Variants in SPHKAP observed in about 807,000 individuals in gnomAD.
SPHKAP encodes A-kinase anchor protein SPHKAP.
Under a neutral mutation model 137.5 loss-of-function variants are expected in SPHKAP, and 67 were observed. The ratio of observed to expected loss-of-function variants is 0.49; its 90% CI spans 0.40 to 0.60. SPHKAP has a LOEUF of 0.60. Ranked by LOEUF, SPHKAP falls within the 20% of genes least tolerant of loss-of-function variation. SPHKAP has a pLI of 0.00. For missense variants in SPHKAP, 2,097 were observed against 2,069.3 expected, an observed-to-expected ratio of 1.01 and a Z score of -0.26; for synonymous variants, 813 against 785.3, an observed-to-expected ratio of 1.04 and a Z score of -0.59.
At chr2:227,995,385 C>T (rs1161149563) in intron 8 of SPHKAP, 124 bp downstream of exon 8, 4 of 1,197,148 alleles carry the variant, frequency 3.3e-6, no homozygotes, top group Non-Finnish European at 4.8e-6. Context: ...ATAGTGGGAA[C>T]TTTCCTTTTT....
chr2:228,180,003 G>A (rs1700851115), intron 1 of SPHKAP, among the ~76,000 whole-genome samples: 1 of 152,184 alleles, frequency 6.6e-6, no homozygotes, highest in Non-Finnish European at 1.5e-5. Context: ...GAATAGATAG[G>A]TGGAGAAAGT....
Position 227,984,111 on chromosome 2 carries a change from C to T in SPHKAP, c.4960-2251G>A, listed in dbSNP as rs577624332. Among the ~76,000 whole-genome samples the T allele has an allele frequency of 1.2e-3, 177 of 151,914 alleles. 5 individuals are homozygous for T. The highest frequency in any genetic ancestry group is 9.8e-4 in the Admixed American group (15 of 15,250). On this transcript the variant is annotated intron_variant, in intron 11 of 11. Coordinates refer to ENST00000392056, the MANE Select transcript of SPHKAP (RefSeq NM_001142644.2). The stretch of plus-strand genomic sequence containing the variant: ...GTCAGGAATTCGAGACCAGCCTGAC[C>T]AATGTGGTGAAAACCACGTCTCTAC...
chr2:228,004,188 T>G (rs1402441658), intron 7 of SPHKAP, among the ~76,000 whole-genome samples: 1 of 152,160 alleles, frequency 6.6e-6, no homozygotes, highest in East Asian at 1.9e-4. Context: ...ATCCATCTGG[T>G]CCTGGGCTTT....
At chr2:228,020,946 C>T (rs904524625) in intron 6 of SPHKAP, among the ~76,000 whole-genome samples, 2 of 152,112 alleles carry the variant, frequency 1.3e-5, no homozygotes, top group Non-Finnish European at 2.9e-5. Context: ...CAGACAGTTG[C>T]ATCTTAGAGC....
At chr2:228,035,728 C>G (rs1280844500) in intron 3 of SPHKAP, among the ~76,000 whole-genome samples, 1 of 152,120 alleles carries the variant, frequency 6.6e-6, no homozygotes. Flanking sequence ...AATAATGCCA[C>G]ATATCTACAA....
chr2:228,050,737 T>A (rs1559147624), intron 3 of SPHKAP, among the ~76,000 whole-genome samples: 1 of 152,218 alleles, frequency 6.6e-6, no homozygotes, highest in African/African-American at 2.4e-5. Context: ...GTCTTATTTC[T>A]TCTATCTAAG....
At chr2:228,073,055 T>C (rs142348138) in intron 3 of SPHKAP, among the ~76,000 whole-genome samples, 1,645 of 152,350 alleles carry the variant, frequency 0.011, 17 homozygotes, top group Middle Eastern at 0.024. Flanking sequence ...TGTTCAGCCA[T>C]ACTAACTGGA....
chr2:227,993,660 C>T, intron 8 of SPHKAP, 40 bp from the exon 9 acceptor site: 1 of 1,500,456 alleles, frequency 6.7e-7, no homozygotes, highest in Non-Finnish European at 9.1e-7. Context: ...CCCGTCTCCA[C>T]CCTCTAACAT....
At chr2:228,071,081 G>A (rs1696990290) in intron 3 of SPHKAP, among the ~76,000 whole-genome samples, 1 of 152,142 alleles carries the variant, frequency 6.6e-6, no homozygotes, top group South Asian at 2.1e-4. Flanking sequence ...CCTTCTTCTT[G>A]TACAACCAAA....
chr2:228,127,566 G>A (rs1172615916), intron 2 of SPHKAP, among the ~76,000 whole-genome samples: 1 of 152,144 alleles, frequency 6.6e-6, no homozygotes, highest in Non-Finnish European at 1.5e-5. Context: ...TACCAGGAAA[G>A]GTACTGACTT....
intron 3 of SPHKAP, among the ~76,000 whole-genome samples, chr2:228,075,848 G>T (rs1697163228): frequency 1.3e-5 from 2 of 152,148 alleles, no homozygotes; most frequent in African/African-American, 2.4e-5. Flanking sequence ...GTTATGAAAA[G>T]GTTGTTTTGA....
At chr2:228,140,037 T>C (rs1699554171) in intron 1 of SPHKAP, among the ~76,000 whole-genome samples, 3 of 151,718 alleles carry the variant, frequency 2.0e-5, no homozygotes, top group Admixed American at 2.0e-4. Context: ...CTCCACCTCC[T>C]GGGTTCAAGT....
At chr2:228,057,751 G>A (rs1389146232) in intron 3 of SPHKAP, among the ~76,000 whole-genome samples, 1 of 152,142 alleles carries the variant, frequency 6.6e-6, no homozygotes, top group Non-Finnish European at 1.5e-5. Flanking sequence ...AAGAATGGTG[G>A]ATATTGAGGC....
intron 1 of SPHKAP, among the ~76,000 whole-genome samples, chr2:228,150,950 T>A (rs1699910566): frequency 2.6e-5 from 4 of 151,910 alleles, no homozygotes. Flanking sequence ...ATTATTATTA[T>A]ACTTTAAGTT....
At chr2:228,115,340 A>G (rs948569035) in intron 2 of SPHKAP, among the ~76,000 whole-genome samples, 1 of 152,020 alleles carries the variant, frequency 6.6e-6, no homozygotes, top group Non-Finnish European at 1.5e-5. Flanking sequence ...TCATGTCTAC[A>G]CACAAACTCC....
chr2:228,091,607 G>C (rs1019441658), intron 3 of SPHKAP, among the ~76,000 whole-genome samples: 3 of 152,004 alleles, frequency 2.0e-5, no homozygotes, highest in Admixed American at 2.0e-4. Flanking sequence ...AGTGTGCTAA[G>C]GACATAAATA....
At chr2:228,109,288 A>G (rs1451137783) in intron 2 of SPHKAP, 5 of 786,422 alleles carry the variant, frequency 6.4e-6, no homozygotes, top group Non-Finnish European at 7.7e-6. Flanking sequence ...ATTTAGTGCT[A>G]GTGTTCTTTC....
At chr2:228,033,718 A>C (rs1006592717) in intron 3 of SPHKAP, among the ~76,000 whole-genome samples, 11 of 152,232 alleles carry the variant, frequency 7.2e-5, no homozygotes, top group Admixed American at 1.3e-4. Flanking sequence ...ACTCAGGACT[A>C]AGAAACTCAC....
chr2:228,079,240 T>C (rs1441972354), intron 3 of SPHKAP, among the ~76,000 whole-genome samples: 2 of 152,164 alleles, frequency 1.3e-5, no homozygotes, highest in Non-Finnish European at 2.9e-5. Context: ...TTTGTGCTCT[T>C]CTAAGAATCA....
Sources: gnomAD v4.1 joint callset for allele counts (sites outside exome capture counted in the v4.1 genomes callset) on GRCh38, gnomAD v4.1.1 for gene constraint, MANE v1.5 for transcripts, NCBI Gene and HGNC (gene_info 2026-07-23, HGNC 2026-07-21) for gene names.